Variants in RBFOX2 observed in about 807,000 individuals in gnomAD.
RBFOX2 encodes the protein RNA binding fox-1 homolog 2.
RBFOX2 carries 10 observed loss-of-function variants against 49.1 expected under a neutral mutation model. The ratio of observed to expected loss-of-function variants is 0.20; its 90% CI spans 0.13 to 0.35. The LOEUF is 0.35. RBFOX2 is among the 10% of genes least tolerant of loss of function. RBFOX2 has a pLI of 1.00. For missense variants in RBFOX2, 323 were observed against 486.9 expected (o/e 0.66, Z 3.17); for synonymous variants, 183 against 187.4 (o/e 0.98, Z 0.19).
chr22:35,770,990 C>T (rs1431132359), intron 4 of RBFOX2, among the ~76,000 whole-genome samples: 2 of 152,034 alleles, frequency 1.3e-5, no homozygotes, highest in Non-Finnish European at 2.9e-5. Flanking sequence ...AGGAAGAAAG[C>T]CTTGTTGATG....
At chr22:36,025,312 T>C (rs1013843219) in intron 1 of RBFOX2, among the ~76,000 whole-genome samples, 9 of 152,214 alleles carry the variant, frequency 5.9e-5, no homozygotes, top group African/African-American at 2.2e-4. Flanking sequence ...AGCATCTGAA[T>C]GGCCCATTAC....
intron 1 of RBFOX2, among the ~76,000 whole-genome samples, chr22:36,011,201 G>A (rs1311099873): frequency 1.3e-5 from 2 of 152,124 alleles, no homozygotes; most frequent in African/African-American, 4.8e-5. Context: ...CCCCACCAGT[G>A]CAAAAAAGAC....
intron 1 of RBFOX2, among the ~76,000 whole-genome samples, chr22:35,969,900 G>A (rs1033440832): frequency 1.3e-5 from 2 of 152,190 alleles, no homozygotes; most frequent in Non-Finnish European, 2.9e-5. Context: ...CTAGCTGTGT[G>A]ACACTGTGCA....
exon 5 of RBFOX2, chr22:35,768,272 C>G: frequency 6.2e-7 from 1 of 1,614,106 alleles, no homozygotes; most frequent in South Asian, 1.1e-5. Context: ...TTTTACGGCC[C>G]TCTACCACGG....
intron 3 of RBFOX2, among the ~76,000 whole-genome samples, chr22:35,781,005 T>C (rs1416694558): frequency 6.6e-6 from 1 of 152,112 alleles, no homozygotes; most frequent in Non-Finnish European, 1.5e-5. Context: ...GCTGGACTTA[T>C]ATGGAAGGTA....
chr22:35,829,515 G>GA (rs1234548092), intron 1 of RBFOX2, among the ~76,000 whole-genome samples: 1 of 151,340 alleles, frequency 6.6e-6, no homozygotes, highest in Admixed American at 6.6e-5. Flanking sequence ...ATGTTGCAGG[G>GA]AAAAAAAGGT....
At chr22:35,956,239 T>C (rs1046216942) in intron 1 of RBFOX2, among the ~76,000 whole-genome samples, 5 of 152,230 alleles carry the variant, frequency 3.3e-5, no homozygotes, top group Non-Finnish European at 5.9e-5. Flanking sequence ...TCTTTTAAGG[T>C]TCAGAGCTGT....
At chr22:35,984,766 A>C (rs1603462059) in intron 1 of RBFOX2, among the ~76,000 whole-genome samples, 1 of 152,304 alleles carries the variant, frequency 6.6e-6, no homozygotes, top group Admixed American at 6.5e-5. Flanking sequence ...ATGTATTTTC[A>C]TGTCTCCATG....
At chr22:35,748,702 G>A (rs1360595777) in intron 9 of RBFOX2, 3 of 151,964 alleles carry the variant, frequency 2.0e-5, no homozygotes, top group African/African-American at 7.3e-5. Context: ...AACCATCAAA[G>A]TAACATTAAA....
chr22:35,794,432 G>T (rs577998789), intron 2 of RBFOX2, among the ~76,000 whole-genome samples: 13 of 152,224 alleles, frequency 8.5e-5, no homozygotes, highest in African/African-American at 2.9e-4. Flanking sequence ...GCTGAGGCAG[G>T]TGGATCACAA....
At position 35,746,015 on chromosome 22, in the gene RBFOX2, TCAGA is replaced by T; in HGVS notation, c.977-24_977-21del. 14 of 1,596,782 alleles carry T rather than the reference TCAGA, an allele frequency of 8.8e-6. No individual in the cohort carries two copies. Among genetic ancestry groups the T allele is most frequent in the Non-Finnish European group, 1.1e-5 (13 of 1,165,070 alleles). ...CCATAACTGGAAAGAAGAAACACAA[TCAGA>T]CAGATAAAGAAAAGTGTATGATCTA... is the stretch of plus-strand genomic sequence containing the variant. On this transcript the variant is annotated intron_variant, in intron 10 of 11. Transcript: ENST00000405409.
intron 1 of RBFOX2, among the ~76,000 whole-genome samples, chr22:35,814,223 C>T (rs1460751225): frequency 2.6e-5 from 4 of 152,096 alleles, no homozygotes; most frequent in Middle Eastern, 3.2e-3. Flanking sequence ...GTTCCAGGAA[C>T]CTCCCAGCCC....
chr22:35,910,084 T>C (rs1440012991), intron 1 of RBFOX2, among the ~76,000 whole-genome samples: 1 of 152,188 alleles, frequency 6.6e-6, no homozygotes, highest in Admixed American at 6.5e-5. Flanking sequence ...CTCTTTAACT[T>C]TTATACTTAA....
intron 2 of RBFOX2, among the ~76,000 whole-genome samples, chr22:35,782,433 T>C (rs1436162196): frequency 6.6e-6 from 1 of 152,160 alleles, no homozygotes; most frequent in African/African-American, 2.4e-5. Flanking sequence ...GCCATTCTCC[T>C]GCCTCAGCCT....
At chr22:36,018,527 G>A (rs565959517) in intron 1 of RBFOX2, among the ~76,000 whole-genome samples, 1 of 152,312 alleles carries the variant, frequency 6.6e-6, no homozygotes, top group East Asian at 1.9e-4. Context: ...TGAAAGTTAC[G>A]CAGAAGTCAG....
At chr22:35,826,836 A>G (rs565092447) in intron 1 of RBFOX2, among the ~76,000 whole-genome samples, 1 of 152,322 alleles carries the variant, frequency 6.6e-6, no homozygotes, top group East Asian at 1.9e-4. Flanking sequence ...TAACAGAACA[A>G]TTATAACAAT....
intron 2 of RBFOX2, among the ~76,000 whole-genome samples, chr22:35,792,745 A>T (rs1411518970): frequency 6.6e-6 from 1 of 152,158 alleles, no homozygotes; most frequent in African/African-American, 2.4e-5. Context: ...ACAGGCTCAC[A>T]CTCCCTAAAC....
intron 1 of RBFOX2, 39 bp downstream of exon 1, chr22:36,028,201 A>G: frequency 1.4e-6 from 2 of 1,430,528 alleles, no homozygotes; most frequent in South Asian, 1.4e-5. Flanking sequence ...CCTCACGCCC[A>G]CCCCCGCAAT....
At chr22:35,766,514 A>G (rs1941008322) in intron 5 of RBFOX2, among the ~76,000 whole-genome samples, 1 of 152,218 alleles carries the variant, frequency 6.6e-6, no homozygotes, top group Admixed American at 6.5e-5. Flanking sequence ...ATGTCTTTTA[A>G]GATTTGTACA....
Sources: gnomAD v4.1 joint callset for allele counts (sites outside exome capture counted in the v4.1 genomes callset) on GRCh38, gnomAD v4.1.1 for gene constraint, MANE v1.5 for transcripts, NCBI Gene and HGNC (gene_info 2026-07-23, HGNC 2026-07-21) for gene names.